The following AFF1 variants were observed in gnomAD, a reference collection of about 807,000 sequenced individuals.
AFF1 encodes AF4/FMR2 family member 1.
Under a neutral mutation model 121.7 loss-of-function variants are expected in AFF1, and 48 were observed. That is an observed-to-expected ratio of 0.39 (90% confidence interval 0.31 to 0.50). The LOEUF (loss-of-function observed/expected upper bound fraction) is 0.50. AFF1 is among the 20% of genes least tolerant of loss of function. AFF1 has a pLI of 0.76. For missense variants in AFF1, 1,523 were observed against 1,511.7 expected (o/e 1.01, Z -0.12); for synonymous variants, 613 against 563.0 (o/e 1.09, Z -1.26).
intron 11 of AFF1, 57 bp downstream of exon 11, chr4:87,108,372 G>C: frequency 6.4e-7 from 1 of 1,572,714 alleles, no homozygotes; most frequent in Non-Finnish European, 8.6e-7. Context: ...GTCCTTTGAA[G>C]TTAGAGTCAG....
chr4:87,031,871 T>C (rs905988160), intron 2 of AFF1, among the ~76,000 whole-genome samples: 4 of 152,244 alleles, frequency 2.6e-5, no homozygotes, highest in Admixed American at 2.6e-4. Context: ...TTCTCAAGTG[T>C]ATGTCTTTCT....
chr4:87,009,537 C>T (rs775465269), intron 2 of AFF1, among the ~76,000 whole-genome samples: 3 of 152,190 alleles, frequency 2.0e-5, no homozygotes, highest in Non-Finnish European at 4.4e-5. Flanking sequence ...TGCCCTGGAA[C>T]TAGGAACAAA....
intron 8 of AFF1, among the ~76,000 whole-genome samples, chr4:87,097,161 T>TG (rs1208317944): frequency 2.6e-5 from 4 of 152,188 alleles, no homozygotes; most frequent in Non-Finnish European, 5.9e-5. Flanking sequence ...CCATTGTCTT[T>TG]GGGGCAGCCA....
chr4:86,941,023 G>C (rs1720417533), intron 1 of AFF1, among the ~76,000 whole-genome samples: 1 of 151,956 alleles, frequency 6.6e-6, no homozygotes, highest in Admixed American at 6.5e-5. Context: ...TGGAGGTGGA[G>C]GTTGCAGTGA....
intron 2 of AFF1, among the ~76,000 whole-genome samples, chr4:86,983,492 G>A (rs1723939362): frequency 6.6e-6 from 1 of 152,074 alleles, no homozygotes; most frequent in Non-Finnish European, 1.5e-5. Context: ...TCACGCCATT[G>A]CACTCCATCC....
chr4:87,021,736 T>C (rs1727917704), intron 2 of AFF1, among the ~76,000 whole-genome samples: 2 of 152,258 alleles, frequency 1.3e-5, no homozygotes, highest in African/African-American at 2.4e-5. Context: ...TTCAATCTTT[T>C]ATTTATGCAT....
intron 2 of AFF1, among the ~76,000 whole-genome samples, chr4:87,030,732 A>T (rs1245683855): frequency 6.6e-6 from 1 of 152,004 alleles, no homozygotes; most frequent in African/African-American, 2.4e-5. Flanking sequence ...AGTCTTGAAA[A>T]CAGTGTAAAA....
chr4:86,977,002 T>C (rs1236786047), intron 2 of AFF1, among the ~76,000 whole-genome samples: 1 of 152,168 alleles, frequency 6.6e-6, no homozygotes, highest in Non-Finnish European at 1.5e-5. Context: ...TAAATGCAGG[T>C]GATGGTGCCT....
At chr4:87,103,123 G>A (rs1475585360) in intron 8 of AFF1, among the ~76,000 whole-genome samples, 3 of 152,032 alleles carry the variant, frequency 2.0e-5, no homozygotes, top group Admixed American at 6.6e-5. Flanking sequence ...GTTATGACTT[G>A]TAACTTAAAA....
At chr4:87,129,578 G>A (rs1031306139) in intron 16 of AFF1, among the ~76,000 whole-genome samples, 2 of 152,136 alleles carry the variant, frequency 1.3e-5, no homozygotes, top group African/African-American at 2.4e-5. Context: ...GAAGCAAACC[G>A]GTCATGCCAA....
chr4:87,110,994 C>CTTTATTTA (rs1349600334), intron 11 of AFF1, among the ~76,000 whole-genome samples: 1 of 86,642 alleles, frequency 1.2e-5, no homozygotes, highest in African/African-American at 5.1e-5. Flanking sequence ...TCTACTTAAA[C>CTTTATTTA]TTTATTTTTT....
chr4:87,085,777 C>G (rs1207207346), intron 5 of AFF1, among the ~76,000 whole-genome samples: 1 of 143,570 alleles, frequency 7.0e-6, no homozygotes, highest in African/African-American at 2.7e-5. Context: ...GAGACAGAGT[C>G]TCTCTCTGTC....
intron 4 of AFF1, among the ~76,000 whole-genome samples, chr4:87,063,266 T>G (rs909981475): frequency 8.5e-6 from 1 of 117,648 alleles, no homozygotes; most frequent in African/African-American, 3.3e-5. Flanking sequence ...TGAGACAGAG[T>G]TTTGCTCTTG....
chr4:87,076,153 A>G (rs1426764698), intron 4 of AFF1, among the ~76,000 whole-genome samples: 5 of 152,158 alleles, frequency 3.3e-5, no homozygotes, highest in Admixed American at 6.6e-5. Flanking sequence ...CCCTTCTTCT[A>G]GGTTCCCCCA....
chr4:86,947,676 T>C (rs566228783), intron 1 of AFF1, among the ~76,000 whole-genome samples: 51 of 152,306 alleles, frequency 3.3e-4, no homozygotes, highest in South Asian at 2.9e-3. Context: ...CTGTAGACAG[T>C]GTTAACCATA....
At chr4:87,118,310 G>GT (rs35051800) in intron 12 of AFF1, among the ~76,000 whole-genome samples, 40 of 19,698 alleles carry the variant, frequency 2.0e-3, no homozygotes, top group African/African-American at 0.014. Context: ...AAATGCACAC[G>GT]TTTTTTTACT....
chr4:87,127,178 C>CCCCA (rs1560657691), intron 15 of AFF1, 61 bp downstream of exon 15: 2 of 1,298,734 alleles, frequency 1.5e-6, no homozygotes, highest in Admixed American at 1.8e-5. Flanking sequence ...CCCCCCCCAC[C>CCCCA]AAGATAGAGT....
chr4:87,012,468 G>A (rs978111806), intron 2 of AFF1, among the ~76,000 whole-genome samples: 4 of 152,224 alleles, frequency 2.6e-5, no homozygotes, highest in East Asian at 3.9e-4. Context: ...TCTCTTTGTT[G>A]TGGTTGGTTC....
intron 11 of AFF1, among the ~76,000 whole-genome samples, chr4:87,110,672 A>G (rs1200575997): frequency 2.0e-5 from 3 of 152,176 alleles, no homozygotes; most frequent in Non-Finnish European, 4.4e-5. Context: ...CCCCATAGCT[A>G]TGTAGTGTTA....
Sources: gnomAD v4.1 joint callset for allele counts (sites outside exome capture counted in the v4.1 genomes callset) on GRCh38, gnomAD v4.1.1 for gene constraint, MANE v1.5 for transcripts, NCBI Gene and HGNC (gene_info 2026-07-23, HGNC 2026-07-21) for gene names.